Variants in LRRC37A observed in about 807,000 individuals in gnomAD.
LRRC37A encodes leucine rich repeat containing 37A, also known as leucine-rich repeat-containing protein 37A.
LRRC37A carries 3 observed loss-of-function variants against 35.4 expected under a neutral mutation model. That is an observed-to-expected ratio of 0.08 (90% CI 0.04 to 0.22). The LOEUF (loss-of-function observed/expected upper bound fraction) is 0.22. Among genes scored for constraint, LRRC37A ranks in the 10% least tolerant of loss-of-function variants. The pLI is 1.00. For missense variants in LRRC37A, 67 were observed against 565.3 expected (o/e 0.12, Z 8.94); for synonymous variants, 23 against 215.0 (o/e 0.11, Z 7.81).
At chr17:46,280,569 C>CTTT in the LRRC37A span, among the ~76,000 whole-genome samples, 8,176 of 111,788 alleles carry the variant, frequency 0.073, 222 homozygotes, top group Middle Eastern at 0.1. Context: ...TGATAGCACA[C>CTTT]TTTTTTTTTT....
chr17:46,315,748 G>A (rs1336459161), intron 5 of LRRC37A, among the ~76,000 whole-genome samples: 2 of 27,020 alleles, frequency 7.4e-5, no homozygotes, highest in Non-Finnish European at 1.8e-4. Flanking sequence ...ATTTTATAAC[G>A]TTGTAGTTCA....
the LRRC37A span, among the ~76,000 whole-genome samples, chr17:46,263,647 G>A: frequency 6.6e-6 from 1 of 151,734 alleles, no homozygotes; most frequent in Non-Finnish European, 1.5e-5. Flanking sequence ...CTAAGGTCGG[G>A]AGTTTGAGAC....
At chr17:46,315,963 G>T in intron 5 of LRRC37A, among the ~76,000 whole-genome samples, 3 of 54,878 alleles carry the variant, frequency 5.5e-5, no homozygotes, top group Admixed American at 1.9e-4. Flanking sequence ...TCACTCTGTT[G>T]CCCAGGCTAG....
chr17:46,277,698 G>A, the LRRC37A span, among the ~76,000 whole-genome samples: 2 of 150,908 alleles, frequency 1.3e-5, no homozygotes, highest in African/African-American at 4.9e-5. Context: ...CCAGGTTGGA[G>A]TGCAGTGGTG....
At chr17:46,321,914 C>CAAAAAAA (rs1263117066) in intron 5 of LRRC37A, among the ~76,000 whole-genome samples, 1 of 10,980 alleles carries the variant, frequency 9.1e-5, no homozygotes, top group Non-Finnish European at 4.4e-4. Flanking sequence ...GACTCCATCT[C>CAAAAAAA]AAAAAAAAAA....
chr17:46,259,019 A>AGTTTTTTTTTTT, the LRRC37A span, among the ~76,000 whole-genome samples: 1 of 79,468 alleles, frequency 1.3e-5, no homozygotes, highest in Non-Finnish European at 2.2e-5. Context: ...CACCCGGCCT[A>AGTTTTTTTTTTT]TTTTTTTTTT....
At chr17:46,260,903 A>G in the LRRC37A span, among the ~76,000 whole-genome samples, 4 of 152,218 alleles carry the variant, frequency 2.6e-5, no homozygotes, top group African/African-American at 7.2e-5. Context: ...GATTACAGGC[A>G]TGAGCCACCG....
At chr17:46,286,900 T>G in the LRRC37A span, among the ~76,000 whole-genome samples, 3 of 152,228 alleles carry the variant, frequency 2.0e-5, no homozygotes, top group Non-Finnish European at 4.4e-5. Context: ...CTTAGCCTCC[T>G]TTTCTGCGAT....
chr17:46,317,091 ATTG>A, intron 5 of LRRC37A, among the ~76,000 whole-genome samples: 1 of 84,368 alleles, frequency 1.2e-5, no homozygotes, highest in Middle Eastern at 7.6e-3. Flanking sequence ...CAAAACCGCC[ATTG>A]TCATCATGGC....
rs1451644903 is a variant in LRRC37A, at chr17:46,307,828, C to T, written c.2906+1519C>T. ...AGGAGTTCAAGACCAGCCTGACCAA[C>T]ATGGTGAAACCTGTCTCTACTAAAA... is the stretch of plus-strand genomic sequence containing the variant. On this transcript the variant is annotated intron_variant, in intron 5 of 13. Coordinates refer to ENST00000320254, the Ensembl canonical transcript of LRRC37A. Among the ~76,000 whole-genome samples the T allele has an allele frequency of 2.6e-5, 2 of 78,144 alleles. 1 individual carries two copies. Among genetic ancestry groups the T allele is most frequent in the Non-Finnish European group, 7.8e-5 (2 of 25,726 alleles). 51.3% of individuals were successfully genotyped at this position (78,144 alleles called of 152,430 possible).
the LRRC37A span, among the ~76,000 whole-genome samples, chr17:46,268,142 G>A: frequency 6.6e-6 from 1 of 152,062 alleles, no homozygotes; most frequent in Non-Finnish European, 1.5e-5. Flanking sequence ...TCTGTAATGT[G>A]GGCTGGTTAC....
At chr17:46,291,646 T>C (rs2050070243), upstream of LRRC37A, among the ~76,000 whole-genome samples, 2 of 151,950 alleles carry the variant, frequency 1.3e-5, no homozygotes, top group African/African-American at 2.4e-5. Flanking sequence ...CCAGGGCCCA[T>C]ACGGTGGCTC....
the LRRC37A span, among the ~76,000 whole-genome samples, chr17:46,264,399 C>T: frequency 6.6e-6 from 1 of 152,220 alleles, no homozygotes; most frequent in Non-Finnish European, 1.5e-5. Context: ...GACAGGTATA[C>T]ACACCTATTG....
chr17:46,268,571 G>A, the LRRC37A span: 1 of 1,528,218 alleles, frequency 6.5e-7, no homozygotes, highest in East Asian at 2.5e-5. Context: ...CTCTGCTCCA[G>A]GTCCTGAGAG....
chr17:46,269,579 A>T, the LRRC37A span, among the ~76,000 whole-genome samples: 1 of 152,240 alleles, frequency 6.6e-6, no homozygotes, highest in Non-Finnish European at 1.5e-5. Context: ...TTAAAAAAAT[A>T]AATTTTAAAA....
chr17:46,291,240 T>C (rs2050057987), upstream of LRRC37A, among the ~76,000 whole-genome samples: 1 of 152,242 alleles, frequency 6.6e-6, no homozygotes, highest in Non-Finnish European at 1.5e-5. Flanking sequence ...GTATAGCGGG[T>C]GCACACTTTG....
At chr17:46,275,475 T>C in the LRRC37A span, 1 of 718,724 alleles carries the variant, frequency 1.4e-6, no homozygotes, top group Admixed American at 2.2e-5. Context: ...AAAATGATGC[T>C]TTATGCGGAT....
the LRRC37A span, among the ~76,000 whole-genome samples, chr17:46,281,370 C>T: frequency 6.6e-6 from 1 of 151,856 alleles, no homozygotes; most frequent in Non-Finnish European, 1.5e-5. Flanking sequence ...CTCGCATCAG[C>T]TCAGAAAATT....
chr17:46,259,019 A>AT, the LRRC37A span, among the ~76,000 whole-genome samples: 398 of 79,404 alleles, frequency 5.0e-3, 64 homozygotes, highest in African/African-American at 0.023. Context: ...CACCCGGCCT[A>AT]TTTTTTTTTT....
Sources: gnomAD v4.1 joint callset for allele counts (sites outside exome capture counted in the v4.1 genomes callset) on GRCh38, gnomAD v4.1.1 for gene constraint, MANE v1.5 for transcripts, NCBI Gene and HGNC (gene_info 2026-07-23, HGNC 2026-07-21) for gene names.